Variants in MN1 observed in about 807,000 individuals in gnomAD.
The protein encoded by MN1 is transcriptional activator MN1.
A neutral mutation model predicts 86.9 loss-of-function variants in MN1; 19 were observed. The observed-to-expected ratio is 0.22, with a 90% CI of 0.15 to 0.32. The LOEUF is 0.32. MN1 is among the 10% of genes least tolerant of loss of function. The pLI, the probability that MN1 is intolerant of heterozygous loss-of-function variation, is 1.00. For missense variants in MN1, 1,841 were observed against 1,862.0 expected (o/e 0.99, Z 0.21); for synonymous variants, 928 against 849.6 (o/e 1.09, Z -1.60).
intron 1 of MN1, among the ~76,000 whole-genome samples, chr22:27,777,312 C>A (rs1025163717): frequency 6.6e-6 from 1 of 152,050 alleles, no homozygotes; most frequent in Non-Finnish European, 1.5e-5. Flanking sequence ...GAGGGAGGAT[C>A]GTTTGAGACC....
intron 1 of MN1, among the ~76,000 whole-genome samples, chr22:27,796,062 C>T (rs952408274): frequency 1.3e-5 from 2 of 152,126 alleles, no homozygotes; most frequent in African/African-American, 4.8e-5. Context: ...AGCACTCCCC[C>T]TCCCCAACCC....
chr22:27,784,062 C>G (rs1933089268), intron 1 of MN1, among the ~76,000 whole-genome samples: 1 of 152,198 alleles, frequency 6.6e-6, no homozygotes. Flanking sequence ...GAGAGCCGGC[C>G]CCTGAGAACT....
At chr22:27,778,983 G>A (rs142627112) in intron 1 of MN1, among the ~76,000 whole-genome samples, 209 of 152,278 alleles carry the variant, frequency 1.4e-3, no homozygotes, top group Non-Finnish European at 7.6e-4. Flanking sequence ...CCATACAGGG[G>A]CATCCCTTCC....
chr22:27,799,373 C>A lies in MN1; in HGVS notation c.1171G>T (p.Gly391Cys). 6.5e-7 allele frequency: 1 copy of A among 1,549,562 alleles called. No individual in the cohort carries two copies. ...PQQGEAGTPS[G>C]GLQDGGPMLP... ...ATGGGGCCTCCGTCCTGCAGGCCGCCGCTGGGCGTGCCCGCCTCGCCCTGC... is the reference window on the plus strand; with the variant it reads ...ATGGGGCCTCCGTCCTGCAGGCCGCAGCTGGGCGTGCCCGCCTCGCCCTGC... The change falls in exon 1 of 2, where the codon GGC (glycine) becomes TGC (cysteine). Residue 391 changes from glycine to cysteine, a missense_variant. Gly to Cys is a radical substitution (Grantham distance 159). Transcript: ENST00000302326.
At chr22:27,781,190 C>G (rs1473537788) in intron 1 of MN1, among the ~76,000 whole-genome samples, 1 of 152,190 alleles carries the variant, frequency 6.6e-6, no homozygotes, top group Non-Finnish European at 1.5e-5. Context: ...CTTGGCCTCC[C>G]AAAGTGCTGG....
At chr22:27,764,868 G>GC (rs1932857932) in intron 1 of MN1, among the ~76,000 whole-genome samples, 1 of 152,190 alleles carries the variant, frequency 6.6e-6, no homozygotes, top group Non-Finnish European at 1.5e-5. Context: ...GCTAGGGTCA[G>GC]CCCACTACAG....
At chr22:27,751,933 G>A (rs1932768283) in intron 1 of MN1, among the ~76,000 whole-genome samples, 1 of 152,114 alleles carries the variant, frequency 6.6e-6, no homozygotes, top group African/African-American at 2.4e-5. Flanking sequence ...GCCCCTCATT[G>A]GTGTGCAGGG....
intron 1 of MN1, among the ~76,000 whole-genome samples, chr22:27,765,943 C>A (rs74851938): frequency 6.6e-6 from 1 of 152,104 alleles, no homozygotes; most frequent in African/African-American, 2.4e-5. Flanking sequence ...TGCCTGTGCC[C>A]GGCACACCCA....
At position 27,797,204 on chromosome 22, in the gene MN1, T is replaced by A; in HGVS notation, c.3340A>T (p.Thr1114Ser). The change falls in exon 1 of 2, where the codon ACC becomes TCC. Residue 1114 changes from threonine to serine, a missense_variant. Physicochemically the swap from Thr to Ser is moderately conservative, Grantham distance 58 (BLOSUM62 1). Transcript: ENST00000302326. Reference sequence around the variant, plus strand: ...CCACCGCCGCCGTAGCTGTCAGGGGTCGAGGTAGAGTTAGACATGATGCCC... The same window carrying A: ...CCACCGCCGCCGTAGCTGTCAGGGGACGAGGTAGAGTTAGACATGATGCCC... ...GLGIMSNSTS[T>S]PDSYGGGGGP... 1 of 1,558,312 alleles carries A rather than the reference T, an allele frequency of 6.4e-7. No individual in the cohort carries two copies.
intron 1 of MN1, among the ~76,000 whole-genome samples, chr22:27,790,082 G>A (rs1181545637): frequency 2.0e-5 from 3 of 152,264 alleles, no homozygotes; most frequent in African/African-American, 7.2e-5. Flanking sequence ...ACCGGGTTGG[G>A]AGCAGATACT....
chr22:27,796,680 A>AC, intron 1 of MN1, 83 bp downstream of exon 1: 1 of 1,393,976 alleles, frequency 7.2e-7, no homozygotes, highest in Non-Finnish European at 9.7e-7. Flanking sequence ...ACCTCAAAGG[A>AC]CCCCAAAAGG....
At chr22:27,779,448 G>A (rs1321281713) in intron 1 of MN1, among the ~76,000 whole-genome samples, 1 of 152,204 alleles carries the variant, frequency 6.6e-6, no homozygotes, top group Non-Finnish European at 1.5e-5. Context: ...CCAACGGCAT[G>A]ACCTGGTGAC....
At chr22:27,751,240 A>G in intron 1 of MN1, 144 bp from the exon 2 acceptor site, 1 of 559,024 alleles carries the variant, frequency 1.8e-6, no homozygotes, top group Non-Finnish European at 2.9e-6. Context: ...CAGAGGATCT[A>G]GAGATGTTGT....
intron 1 of MN1, among the ~76,000 whole-genome samples, chr22:27,785,043 G>A (rs1443496663): frequency 1.4e-5 from 2 of 142,782 alleles, no homozygotes; most frequent in Non-Finnish European, 3.0e-5. Flanking sequence ...ATAGATGTGC[G>A]TGCTGGCATC....
In MN1 at chr22:27,798,550, G is replaced by A. The variant is rs766060759; in HGVS notation, c.1994C>T (p.Pro665Leu). Reference protein sequence around the residue: ...DCGPHDPSLAPPPPPGGSGVL... With the variant: ...DCGPHDPSLALPPPPGGSGVL... ...CCCCGAGCCACCAGGCGGAGGAGGG[G>A]GCGCCAGGCTGGGGTCGTGCGGGCC... The change falls in exon 1 of 2, where the codon CCC (proline) becomes CTC (leucine). Residue 665 changes from proline (P) to leucine (L), a missense_variant. Pro to Leu is a moderately conservative substitution (Grantham distance 98). Transcript: ENST00000302326. The A allele has an allele frequency of 3.3e-6, 5 of 1,519,170 alleles. No individual in the cohort carries two copies. The highest frequency in any genetic ancestry group is 1.4e-5 in the African/African-American group (1 of 71,704). 94.1% of individuals were successfully genotyped at this position (1,519,170 alleles called of 1,614,324 possible).
chr22:27,755,037 T>C (rs1368246574), intron 1 of MN1, among the ~76,000 whole-genome samples: 1 of 152,134 alleles, frequency 6.6e-6, no homozygotes, highest in African/African-American at 2.4e-5. Flanking sequence ...TTCATCCCCA[T>C]TTGACAGACG....
chr22:27,792,424 G>T (rs1363035809), intron 1 of MN1, among the ~76,000 whole-genome samples: 2 of 149,966 alleles, frequency 1.3e-5, no homozygotes, highest in Admixed American at 6.7e-5. Flanking sequence ...AAACCCAGTG[G>T]TAGAAAACCA....
At chr22:27,794,828 T>G (rs1488822797) in intron 1 of MN1, among the ~76,000 whole-genome samples, 1 of 151,902 alleles carries the variant, frequency 6.6e-6, no homozygotes, top group Non-Finnish European at 1.5e-5. Context: ...TTTTTTTTTT[T>G]TTTAACTTTT....
intron 1 of MN1, among the ~76,000 whole-genome samples, chr22:27,773,539 C>A (rs1932939198): frequency 6.6e-6 from 1 of 152,208 alleles, no homozygotes; most frequent in Admixed American, 6.5e-5. Flanking sequence ...CCTCCCTATG[C>A]CCATTTCATA....
Sources: allele counts gnomAD v4.1 joint callset (sites outside exome capture counted in the v4.1 genomes callset), GRCh38; gene constraint gnomAD v4.1.1; transcripts MANE v1.5; gene names NCBI Gene and HGNC (gene_info 2026-07-23, HGNC 2026-07-21).